The following SNX19 variants were observed in gnomAD, a reference collection of about 807,000 sequenced individuals.
SNX19 encodes sorting nexin 19.
A neutral mutation model predicts 85.2 loss-of-function variants in SNX19; 60 were observed. The ratio of observed to expected loss-of-function variants is 0.70; its 90% CI spans 0.57 to 0.87. The LOEUF (loss-of-function observed/expected upper bound fraction) is 0.87, where lower values mean the gene tolerates loss of function less well. Among genes scored for constraint, SNX19 ranks in the 40% least tolerant of loss-of-function variants. SNX19 has a pLI of 0.00. For missense variants in SNX19, 1,201 were observed against 1,217.8 expected, an observed-to-expected ratio of 0.99 and a Z score of 0.21; for synonymous variants, 520 against 470.0, an observed-to-expected ratio of 1.11 and a Z score of -1.38.
At chr11:130,911,533 C>CG in intron 2 of SNX19, 100 bp downstream of exon 2, 1 of 1,561,924 alleles carries the variant, frequency 6.4e-7, no homozygotes, top group East Asian at 2.3e-5. Context: ...AACCTTGAAA[C>CG]GGCATTCTCC....
chr11:130,866,434 C>T lies in SNX19; in HGVS notation c.*11988G>A, dbSNP rs1279636705. On this transcript the variant is annotated 3_prime_UTR_variant, in exon 11 of 11. Transcript: ENST00000265909. ...TGGCACTAGTGGTAATTCCAGCAGA[C>T]AAACAGCATGAGAAAAGGCCGGGAG... 1.3e-5 allele frequency: 2 copies of T among 152,112 alleles called. No homozygotes were observed. Among genetic ancestry groups the T allele is most frequent in the Non-Finnish European group, 1.5e-5 (1 of 68,024 alleles). 9.4% of individuals were successfully genotyped at this position (152,112 alleles called of 1,614,324 possible). A position where few individuals can be genotyped will look rare whatever the true frequency, so the allele number is the denominator to read the frequency against.
chr11:130,868,129 G>A lies in SNX19; in HGVS notation c.*10293C>T, dbSNP rs1942851327. 6.6e-6 allele frequency: 1 copy of A among 152,186 alleles called. No homozygotes were observed. Among genetic ancestry groups the A allele is most frequent in the Admixed American group, 6.5e-5 (1 of 15,270 alleles). 9.4% of individuals were successfully genotyped at this position (152,186 alleles called of 1,614,324 possible). On this transcript the variant is annotated 3_prime_UTR_variant, in exon 11 of 11. Coordinates refer to ENST00000265909, the MANE Select transcript of SNX19 (RefSeq NM_014758.3). ...GTCTCAAAGATAGTAAGAATCACCT[G>A]TTTTCTCGTGGTAAGAAGGTGCTTC...
chr11:130,882,955 G>A (rs1344992167), intron 8 of SNX19, among the ~76,000 whole-genome samples: 6 of 152,128 alleles, frequency 3.9e-5, no homozygotes, highest in Admixed American at 2.6e-4. Context: ...GCAAGCCTAG[G>A]TACCTCAGCC....
At chr11:130,897,121 C>T (rs1400799877) in intron 8 of SNX19, among the ~76,000 whole-genome samples, 1 of 152,132 alleles carries the variant, frequency 6.6e-6, no homozygotes, top group Non-Finnish European at 1.5e-5. Flanking sequence ...TAGAGAGAGA[C>T]ATCTTCTCTA....
At chr11:130,909,861 C>G (rs993732759) in intron 4 of SNX19, among the ~76,000 whole-genome samples, 157 bp downstream of exon 4, 1 of 152,204 alleles carries the variant, frequency 6.6e-6, no homozygotes, top group Non-Finnish European at 1.5e-5. Flanking sequence ...TATTTGGCAA[C>G]AGGTCTTGAC....
chr11:130,902,993 C>A, intron 8 of SNX19: 1 of 346,946 alleles, frequency 2.9e-6, no homozygotes, highest in Non-Finnish European at 5.3e-6. Context: ...AAGAGTTCAG[C>A]TAAGTATTTT....
In SNX19 at chr11:130,880,751, G is replaced by T. The variant is rs1409310376; in HGVS notation, c.2629C>A (p.Leu877Ile). 6.2e-7 allele frequency: 1 copy of T among 1,608,082 alleles called. No homozygotes were observed. Among genetic ancestry groups the T allele is most frequent in the East Asian group, 2.2e-5 (1 of 44,738 alleles). ...CAGATGGACTCCTGAAGAAGCAGGA[G>T]GTACTGCACCCAGCGCTGTGGACTT... is the stretch of plus-strand genomic sequence containing the variant. ...LTSPQRWVQYLLLLQESIWPG... is the reference protein window; with the variant it reads ...LTSPQRWVQYILLLQESIWPG... Residue 877 changes from leucine to isoleucine, a missense_variant, in exon 9 of 11, where the codon CTC becomes ATC. Physicochemically the swap from Leu to Ile is conservative, Grantham distance 5. Around this residue, in one of 3 missense-constraint regions of SNX19, gnomAD observed 285 missense variants for 295.3 expected, o/e 0.97. Coordinates refer to ENST00000265909, the MANE Select transcript of SNX19 (RefSeq NM_014758.3).
rs1945641151 is a variant in SNX19, at chr11:130,906,027, G to A, written c.2369C>T (p.Pro790Leu). 5 of 1,614,192 alleles carry A rather than the reference G, an allele frequency of 3.1e-6. No individual in the cohort carries two copies. The East Asian group carries it at 1.1e-4, about 36-fold the overall frequency. Residue 790 changes from proline to leucine, a missense_variant, in exon 7 of 11, where the codon CCT becomes CTT. Pro to Leu is a moderately conservative substitution (Grantham distance 98, BLOSUM62 -3). Around this residue, in one of 3 missense-constraint regions of SNX19, gnomAD observed 285 missense variants for 295.3 expected, o/e 0.97. Transcript: ENST00000265909. ...GCAACTGTCCACACGTCCTTTGGGA[G>A]GTTGTTCAGGATCTTTTTCTGGGGC... ...TKAPEKDPEQ[P>L]PKGRVDSCVS...
chr11:130,906,044 T>C lies in SNX19; in HGVS notation c.2352A>G (p.Glu784=), dbSNP rs1945642671. 6.2e-7 allele frequency: 1 copy of C among 1,614,234 alleles called. No homozygotes were observed. Among genetic ancestry groups the C allele is most frequent in the East Asian group, 2.2e-5 (1 of 44,884 alleles). ...LLEMQPTKAP[E]KDPEQPPKGR... ...CTTTGGGAGGTTGTTCAGGATCTTT[T>C]TCTGGGGCTTTTGTTGGCTGCATTT... The change falls in exon 7 of 11, where the codon GAA becomes GAG. Residue 784 remains glutamate, a synonymous_variant. Transcript: ENST00000265909.
Position 130,891,393 on chromosome 11 carries a change from G to A in SNX19, c.2574-10587C>T, listed in dbSNP as rs542668976. 2.6e-5 allele frequency among the ~76,000 whole-genome samples: 4 copies of A among 152,304 alleles called. No homozygotes were observed. In the South Asian group the frequency reaches 8.3e-4, roughly 32 times the overall value. ...GGAAGGGAAGAGAGCTGGAAGGCAA[G>A]GGAGTGGGTCAGCCATGCTCCTTAT... is the stretch of plus-strand genomic sequence containing the variant. On this transcript the variant is annotated intron_variant, in intron 8 of 10. Transcript: ENST00000265909.
Position 130,870,387 on chromosome 11 carries a change from T to C in SNX19, c.*8035A>G, listed in dbSNP as rs1347571645. On this transcript the variant is annotated 3_prime_UTR_variant, in exon 11 of 11. Transcript: ENST00000265909. ...GTTATATGCCATCCGCAAACCCACA[T>C]GGGTGCAGGGTGCACACCTGAACAG... 1 of 152,292 alleles carries C rather than the reference T, an allele frequency of 6.6e-6. No individual in the cohort carries two copies. Among genetic ancestry groups the C allele is most frequent in the African/African-American group, 2.4e-5 (1 of 41,472 alleles). The allele number at this position is 152,292 out of a possible 1,614,324, so 9.4% of individuals were successfully genotyped here.
chr11:130,912,170 T>C (rs1487072171), intron 1 of SNX19, among the ~76,000 whole-genome samples: 3 of 152,366 alleles, frequency 2.0e-5, no homozygotes, highest in South Asian at 4.1e-4. Context: ...CCCGTGATTA[T>C]TTATATTAGT....
In SNX19 at chr11:130,869,610, A is replaced by C. The variant is rs1252415971; in HGVS notation, c.*8812T>G. ...TTCTGAGTCTCAGAATCTGGGACTTAAAATCAGGGGAAGAGATGTGAATGG... is the reference window on the plus strand; with the variant it reads ...TTCTGAGTCTCAGAATCTGGGACTTCAAATCAGGGGAAGAGATGTGAATGG... On this transcript the variant is annotated 3_prime_UTR_variant, in exon 11 of 11. Coordinates refer to ENST00000265909, the MANE Select transcript of SNX19 (RefSeq NM_014758.3). The C allele has an allele frequency of 1.3e-5, 2 of 152,214 alleles. No homozygotes were observed. Among genetic ancestry groups the C allele is most frequent in the African/African-American group, 4.8e-5 (2 of 41,446 alleles). 9.4% of individuals were successfully genotyped at this position (152,214 alleles called of 1,614,324 possible).
At chr11:130,896,520 C>A (rs886612734) in intron 8 of SNX19, among the ~76,000 whole-genome samples, 1 of 152,186 alleles carries the variant, frequency 6.6e-6, no homozygotes, top group Non-Finnish European at 1.5e-5. Context: ...CAGGTGAACC[C>A]AGTTCTAGTG....
At chr11:130,878,947 A>T (rs1450944829) in intron 10 of SNX19, among the ~76,000 whole-genome samples, 1 of 152,224 alleles carries the variant, frequency 6.6e-6, no homozygotes, top group Non-Finnish European at 1.5e-5. Context: ...GCAGTGAGGT[A>T]AAGCCAGGAT....
At position 130,915,598 on chromosome 11, in the gene SNX19, C is replaced by A; in HGVS notation, c.342G>T (p.Val114=). 2 of 1,614,254 alleles carry A rather than the reference C, an allele frequency of 1.2e-6. No individual in the cohort carries two copies. Among genetic ancestry groups the A allele is most frequent in the Non-Finnish European group, 1.7e-6 (2 of 1,180,050 alleles). ...GGCTCACGGAACGGTACCAAGATAA[C>A]ACAAAATCTCGAATAATCATCTGGA... ...RTIQMIIRDF[V]LSWYRSVSQE... The change falls in exon 1 of 11, where the codon GTG becomes GTT. Residue 114 remains valine, a synonymous_variant. Coordinates refer to ENST00000265909, the MANE Select transcript of SNX19 (RefSeq NM_014758.3).
intron 8 of SNX19, among the ~76,000 whole-genome samples, chr11:130,902,105 G>A (rs1351190250): frequency 4.6e-5 from 7 of 152,168 alleles, no homozygotes; most frequent in Non-Finnish European, 5.9e-5. Flanking sequence ...GTACAAATCT[G>A]GTTTAAAATT....
chr11:130,899,778 A>G (rs569182547), intron 8 of SNX19, among the ~76,000 whole-genome samples: 2 of 152,372 alleles, frequency 1.3e-5, no homozygotes, highest in South Asian at 4.1e-4. Context: ...GTTTTTCAAA[A>G]GTAACTAGCC....
In SNX19 at chr11:130,877,079, T is replaced by A. The variant is rs1943298065; in HGVS notation, c.*1343A>T. 6.6e-6 allele frequency: 1 copy of A among 152,256 alleles called. No individual in the cohort carries two copies. The highest frequency in any genetic ancestry group is 2.4e-5 in the African/African-American group (1 of 41,456). 9.4% of individuals were successfully genotyped at this position (152,256 alleles called of 1,614,324 possible). A position where few individuals can be genotyped will look rare whatever the true frequency, so the allele number is the denominator to read the frequency against. On this transcript the variant is annotated 3_prime_UTR_variant, in exon 11 of 11. Coordinates refer to ENST00000265909, the MANE Select transcript of SNX19 (RefSeq NM_014758.3). Reference sequence around the variant, plus strand: ...TGACACCCCATTGCCTTCTCATCAGTCTAACTCCAAGACCTTCCTCCGAGT... The same window carrying A: ...TGACACCCCATTGCCTTCTCATCAGACTAACTCCAAGACCTTCCTCCGAGT...
Sources: gnomAD v4.1 joint callset for allele counts (sites outside exome capture counted in the v4.1 genomes callset) on GRCh38, gnomAD v4.1.1 for gene constraint, gnomAD v4.1.1 regional missense constraint, MANE v1.5 for transcripts, NCBI Gene and HGNC (gene_info 2026-07-23, HGNC 2026-07-21) for gene names.